KLRD1: variants seen among roughly 807,000 people sequenced by gnomAD.
KLRD1 encodes killer cell lectin like receptor D1.
A neutral mutation model predicts 22.6 loss-of-function variants in KLRD1; 21 were observed. The ratio of observed to expected loss-of-function variants is 0.93; its 90% confidence interval spans 0.66 to 1.34. The LOEUF (loss-of-function observed/expected upper bound fraction) is 1.34. Ranked by LOEUF, KLRD1 falls within the 40% of genes most tolerant of loss-of-function variation. The pLI is 0.00. For missense variants in KLRD1, 183 were observed against 208.6 expected, an observed-to-expected ratio of 0.88 and a Z score of 0.76; for synonymous variants, 59 against 71.1, an observed-to-expected ratio of 0.83 and a Z score of 0.85.
intron 1 of KLRD1, among the ~76,000 whole-genome samples, chr12:10,269,171 G>A (rs1469537202): frequency 6.6e-6 from 1 of 151,614 alleles, no homozygotes; most frequent in South Asian, 2.1e-4. Context: ...TTGTTTTTGA[G>A]ATGGAGTCTC....
chr12:10,291,120 A>G (rs1052560945), intron 1 of KLRD1, among the ~76,000 whole-genome samples: 1 of 152,232 alleles, frequency 6.6e-6, no homozygotes, highest in Non-Finnish European at 1.5e-5. Flanking sequence ...TATTATATCT[A>G]AAAAACAATG....
intron 3 of KLRD1, among the ~76,000 whole-genome samples, chr12:10,310,761 G>T (rs1386633212): frequency 2.6e-5 from 4 of 152,008 alleles, no homozygotes; most frequent in Non-Finnish European, 4.4e-5. Flanking sequence ...CTCCAGCCTG[G>T]GCAACACAGC....
chr12:10,242,028 A>G (rs1291095162), intron 1 of KLRD1, among the ~76,000 whole-genome samples: 2 of 142,500 alleles, frequency 1.4e-5, no homozygotes, highest in Admixed American at 1.5e-4. Context: ...AACTTCTCCC[A>G]TAATTGACTG....
intron 1 of KLRD1, among the ~76,000 whole-genome samples, chr12:10,248,586 CCTTCTTTT>C (rs1484807343): frequency 8.1e-6 from 1 of 122,888 alleles, no homozygotes; most frequent in Non-Finnish European, 1.7e-5. Context: ...TCCTTCCTTC[CCTTCTTTT>C]CTTCTTTTCT....
chr12:10,239,434 T>TTCCTTTCCTTCCTTCCTTTCCTTCCTTCC lies in KLRD1; in HGVS notation c.-101+13202_-101+13203insCCTTTCCTTCCTTCCTTTCCTTCCTTCCT, dbSNP rs59390706. Among the ~76,000 whole-genome samples the TTCCTTTCCTTCCTTCCTTTCCTTCCTTCC allele has an allele frequency of 7.5e-4, 31 of 41,446 alleles. 4 individuals carry two copies. Among genetic ancestry groups the TTCCTTTCCTTCCTTCCTTTCCTTCCTTCC allele is most frequent in the African/African-American group, 2.3e-3 (29 of 12,406 alleles). 27.2% of individuals were successfully genotyped at this position (41,446 alleles called of 152,430 possible). ...CTTCCTTCTTTCCATCCTTCCTTCC[T>TTCCTTTCCTTCCTTCCTTTCCTTCCTTCC]TTCCTTCCTTCCTTCCTTCCTTCCT... On this transcript the variant is annotated intron_variant, in intron 1 of 5. Coordinates refer to the KLRD1 transcript ENST00000544747.
At chr12:10,312,990 A>T (rs1950130477) in intron 4 of KLRD1, among the ~76,000 whole-genome samples, 1 of 149,698 alleles carries the variant, frequency 6.7e-6, no homozygotes, top group Middle Eastern at 3.7e-3. Context: ...CCCTCTCAAC[A>T]AAAAGAAAAA....
upstream of KLRD1, among the ~76,000 whole-genome samples, chr12:10,305,871 A>G (rs1484226846): frequency 6.6e-6 from 1 of 152,064 alleles, no homozygotes; most frequent in Non-Finnish European, 1.5e-5. Flanking sequence ...AAATAAATAG[A>G]AAGAACAGAG....
intron 1 of KLRD1, among the ~76,000 whole-genome samples, chr12:10,249,808 C>T (rs1949327994): frequency 6.6e-6 from 1 of 152,166 alleles, no homozygotes; most frequent in African/African-American, 2.4e-5. Context: ...GTGCCTTTCA[C>T]ACAGGAAGGG....
chr12:10,256,459 A>G, intron 1 of KLRD1, among the ~76,000 whole-genome samples: 1 of 27,166 alleles, frequency 3.7e-5, no homozygotes, highest in East Asian at 6.5e-4. Flanking sequence ...ACACATTTTC[A>G]TTATCTTCTC....
chr12:10,303,569 C>T (rs1261892695), upstream of KLRD1, among the ~76,000 whole-genome samples: 3 of 152,076 alleles, frequency 2.0e-5, no homozygotes, highest in Non-Finnish European at 4.4e-5. Context: ...TGTAATTTTC[C>T]TTTACAAAAG....
intron 1 of KLRD1, among the ~76,000 whole-genome samples, chr12:10,259,453 T>G (rs980194138): frequency 6.6e-6 from 1 of 152,242 alleles, no homozygotes; most frequent in Non-Finnish European, 1.5e-5. Context: ...AATTTAGAGC[T>G]TTTTAGTTCT....
intron 1 of KLRD1, among the ~76,000 whole-genome samples, chr12:10,244,271 A>G (rs1949270283): frequency 6.6e-6 from 1 of 152,136 alleles, no homozygotes; most frequent in Admixed American, 6.5e-5. Context: ...GCAAACGCCT[A>G]AACAGAGCTC....
chr12:10,263,675 A>T (rs1409856816), intron 1 of KLRD1, among the ~76,000 whole-genome samples: 1 of 152,068 alleles, frequency 6.6e-6, no homozygotes, highest in African/African-American at 2.4e-5. Flanking sequence ...AGTCCTGTAC[A>T]AACTCATGTC....
chr12:10,255,657 A>G lies in KLRD1; in HGVS notation c.-101+29424A>G, dbSNP rs142100546. ...TCAAATTTTTAGTTTTACTTCTGTT[A>G]CTGAATTCTAGTTTCATTCCATTGT... On this transcript the variant is annotated intron_variant, in intron 1 of 5. Transcript: ENST00000544747. 3.7e-3 allele frequency among the ~76,000 whole-genome samples: 568 copies of G among 152,218 alleles called. 3 individuals carry two copies. Among genetic ancestry groups the G allele is most frequent in the African/African-American group, 0.013 (540 of 41,546 alleles).
chr12:10,293,813 G>A (rs116435127), intron 1 of KLRD1, among the ~76,000 whole-genome samples: 1 of 152,148 alleles, frequency 6.6e-6, no homozygotes, highest in East Asian at 1.9e-4. Context: ...TGAGGTGTGT[G>A]TGTATTATCA....
intron 1 of KLRD1, among the ~76,000 whole-genome samples, chr12:10,296,533 A>T (rs1343295892): frequency 1.3e-5 from 2 of 151,960 alleles, no homozygotes; most frequent in African/African-American, 4.8e-5. Flanking sequence ...AAAATAAAAA[A>T]AACCACACAC....
rs1238905328 is a variant in KLRD1, at chr12:10,321,913, C to G, written c.*7120C>G. 2 of 152,186 alleles carry G rather than the reference C, an allele frequency of 1.3e-5. No individual in the cohort carries two copies. The highest frequency in any genetic ancestry group is 2.4e-5 in the African/African-American group (1 of 41,442). The allele number at this position is 152,186 out of a possible 1,614,324, so 9.4% of individuals were successfully genotyped here. A position where few individuals can be genotyped will look rare whatever the true frequency, so the allele number is the denominator to read the frequency against. On this transcript the variant is annotated 3_prime_UTR_variant, in exon 6 of 6. Coordinates refer to ENST00000336164, the MANE Select transcript of KLRD1 (RefSeq NM_002262.5). The stretch of plus-strand genomic sequence containing the variant: ...GAGCTAGAACCACCTAGCACAGTTG[C>G]TCTTGATTTCTGACCTCAGAAACTG...
rs200201779 is a variant in KLRD1, at chr12:10,311,559, C to A, written c.259C>A (p.His87Asn). ...SEQKTWNESR[H>N]LCASQKSSLL... is the part of the protein sequence containing the mutation. Reference sequence around the variant, plus strand: ...ACAGAAAACTTGGAACGAAAGTCGGCATCTCTGTGCTTCTCAGAAATCCAG... The same window carrying A: ...ACAGAAAACTTGGAACGAAAGTCGGAATCTCTGTGCTTCTCAGAAATCCAG... The change falls in exon 4 of 6, where the codon CAT (histidine) becomes AAT (asparagine). Residue 87 changes from histidine to asparagine, a missense_variant. Coordinates refer to ENST00000336164, the MANE Select transcript of KLRD1 (RefSeq NM_002262.5). 219 of 1,614,080 alleles carry A rather than the reference C, an allele frequency of 1.4e-4. No homozygotes were observed. The highest frequency in any genetic ancestry group is 1.6e-4 in the Non-Finnish European group (185 of 1,179,934).
chr12:10,279,069 G>T (rs1349305576), intron 1 of KLRD1, among the ~76,000 whole-genome samples: 1 of 149,094 alleles, frequency 6.7e-6, no homozygotes, highest in Non-Finnish European at 1.5e-5. Flanking sequence ...CTGGGGATTT[G>T]GTTTACAGGT....
Sources: allele counts gnomAD v4.1 joint callset (sites outside exome capture counted in the v4.1 genomes callset), GRCh38; gene constraint gnomAD v4.1.1; transcripts MANE v1.5; gene names NCBI Gene and HGNC (gene_info 2026-07-23, HGNC 2026-07-21).